Variants in TTC38 observed in about 807,000 individuals in gnomAD.
TTC38 encodes the protein tetratricopeptide repeat protein 38.
In TTC38, 64 loss-of-function variants were observed where a neutral mutation model predicts 64.2. That is an observed-to-expected ratio of 1.00 (90% CI 0.81 to 1.23). The LOEUF (loss-of-function observed/expected upper bound fraction) is 1.23. TTC38 is among the 50% of genes most tolerant of loss of function. TTC38 has a pLI of 0.00. For synonymous variants in TTC38, 254 were observed against 249.3 expected (o/e 1.02, Z -0.18); for missense variants, 573 against 615.5 (o/e 0.93, Z 0.73).
chr22:46,290,004 C>T, intron 13 of TTC38, 105 bp downstream of exon 13: 10 of 1,016,626 alleles, frequency 9.8e-6, no homozygotes, highest in Non-Finnish European at 1.4e-5. Context: ...GATGCTCCTG[C>T]TTCTGAGGCT....
intron 8 of TTC38, among the ~76,000 whole-genome samples, chr22:46,284,868 CAAAAA>C (rs130641): frequency 2.7e-5 from 2 of 75,324 alleles, no homozygotes; most frequent in Admixed American, 1.8e-4. Context: ...GACCCCATCT[CAAAAA>C]AAAAAAAAAA....
intron 5 of TTC38, among the ~76,000 whole-genome samples, 173 bp from the exon 6 acceptor site, chr22:46,278,413 C>A (rs938484510): frequency 6.6e-6 from 1 of 152,226 alleles, no homozygotes; most frequent in African/African-American, 2.4e-5. Flanking sequence ...AGGGCCCACC[C>A]TAATCCCGTA....
intron 6 of TTC38, among the ~76,000 whole-genome samples, chr22:46,280,773 T>A (rs1468261062): frequency 6.6e-6 from 1 of 152,160 alleles, no homozygotes; most frequent in Non-Finnish European, 1.5e-5. Flanking sequence ...TGGACCCCTA[T>A]GAAAGGCGTG....
chr22:46,285,332 C>T, intron 9 of TTC38, 53 bp downstream of exon 9: 1 of 1,543,536 alleles, frequency 6.5e-7, no homozygotes, highest in African/African-American at 1.4e-5. Context: ...GCCTTTGAGT[C>T]TCAAAGAGAC....
At chr22:46,286,014 CAAAA>C (rs573736869) in intron 9 of TTC38, among the ~76,000 whole-genome samples, 2 of 73,978 alleles carry the variant, frequency 2.7e-5, no homozygotes. Context: ...GACTCTGTCT[CAAAA>C]AAAAAAAAAA....
rs190692235 is a variant in TTC38, at chr22:46,289,814, T to C, written c.1243-12T>C. Reference sequence around the variant, plus strand: ...AGGTACAGGAGACTCACATGCCCGATTGACATTTCAGAGAGACGTCTTCAA... The same window carrying C: ...AGGTACAGGAGACTCACATGCCCGACTGACATTTCAGAGAGACGTCTTCAA... On this transcript the variant is annotated splice_polypyrimidine_tract_variant and intron_variant, in intron 12 of 13. Transcript: ENST00000381031. The C allele has an allele frequency of 3.7e-6, 6 of 1,613,934 alleles. No individual in the cohort carries two copies. Among genetic ancestry groups the C allele is most frequent in the African/African-American group, 1.3e-5 (1 of 74,910 alleles).
At chr22:46,269,023 C>T (rs535363920) in intron 2 of TTC38, 7 of 358,720 alleles carry the variant, frequency 2.0e-5, no homozygotes, top group Non-Finnish European at 4.0e-5. Context: ...ATGACCTTAG[C>T]AATAGATGGC....
chr22:46,278,389 C>T (rs2077508702), intron 5 of TTC38, among the ~76,000 whole-genome samples, 197 bp from the exon 6 acceptor site: 1 of 152,206 alleles, frequency 6.6e-6, no homozygotes, highest in African/African-American at 2.4e-5. Flanking sequence ...TGTAAGGACA[C>T]CAGTCATTGC....
At chr22:46,269,827 C>G (rs1177317579) in intron 2 of TTC38, among the ~76,000 whole-genome samples, 1 of 152,198 alleles carries the variant, frequency 6.6e-6, no homozygotes, top group Non-Finnish European at 1.5e-5. Context: ...GAGTCTTGCC[C>G]TGTCACCCAG....
At position 46,281,712 on chromosome 22, in the gene TTC38, C is replaced by T. The variant is rs754145997; in HGVS notation, c.729C>T (p.Phe243=). Residue 243 remains phenylalanine, a synonymous_variant, in exon 7 of 14, where the codon TTC becomes TTT. Transcript: ENST00000381031. The surrounding 1 kb of genome is among the most constrained non-coding windows in gnomAD (Gnocchi z 5.2). ...GLEFMQHSET[F]WKDSDMLACH... is the part of the protein sequence containing the mutation. The stretch of plus-strand genomic sequence containing the variant: ...AATTCATGCAGCACTCAGAGACCTT[C>T]TGGAAGGTATGATGCTTGTCAATGG... 10 of 1,613,856 alleles carry T rather than the reference C, an allele frequency of 6.2e-6. No individual in the cohort carries two copies. In the South Asian group the frequency reaches 9.9e-5, roughly 16 times the overall value.
At chr22:46,285,445 T>C (rs1305244839) in intron 9 of TTC38, among the ~76,000 whole-genome samples, 166 bp downstream of exon 9, 3 of 152,106 alleles carry the variant, frequency 2.0e-5, no homozygotes, top group African/African-American at 7.2e-5. Flanking sequence ...CCAAGAGCAA[T>C]GTTGTAACCC....
chr22:46,276,837 AT>A lies in TTC38; in HGVS notation c.539+1417del, dbSNP rs2077493325. Among the ~76,000 whole-genome samples, 1 of 142,144 alleles carries A rather than the reference AT, an allele frequency of 7.0e-6. No individual in the cohort carries two copies. Among genetic ancestry groups the A allele is most frequent in the African/African-American group, 2.7e-5 (1 of 36,942 alleles). The allele number at this position is 142,144 out of a possible 152,430, so 93.3% of individuals were successfully genotyped here. ...ATATATATATTAAATATATATATAT[AT>A]ATAAACATATATATATATAAAAAAT... On this transcript the variant is annotated intron_variant, in intron 5 of 13. Transcript: ENST00000381031. This position sits in a 1 kb window ranked among gnomAD's most constrained non-coding sequence, Gnocchi z 4.7.
At position 46,272,223 on chromosome 22, in the gene TTC38, T is replaced by C; in HGVS notation, c.112-112T>C. 1.3e-6 allele frequency: 1 copy of C among 764,962 alleles called. No homozygotes were observed. The highest frequency in any genetic ancestry group is 2.2e-6 in the Non-Finnish European group (1 of 447,290). The allele number at this position is 764,962 out of a possible 1,614,324, so 47.4% of individuals were successfully genotyped here. A position where few individuals can be genotyped will look rare whatever the true frequency, so the allele number is the denominator to read the frequency against. ...TCAGGCTGGTCTCGAACTCCTGACC[T>C]CAGATGTTCTGCCCGCCTCGGCCTC... On this transcript the variant is annotated intron_variant, in intron 2 of 13. Transcript: ENST00000381031. The surrounding 1 kb of genome is among the most constrained non-coding windows in gnomAD (Gnocchi z 6.4).
Position 46,273,860 on chromosome 22 carries a change from C to T in TTC38, c.194-38C>T. ...CTGGGCTGGGATGGGCTGAGCTGGACCATCTGAACCACCAGCCGTTCTCTA... is the reference window on the plus strand; with the variant it reads ...CTGGGCTGGGATGGGCTGAGCTGGATCATCTGAACCACCAGCCGTTCTCTA... On this transcript the variant is annotated intron_variant, in intron 3 of 13. Transcript: ENST00000381031. The surrounding 1 kb of genome is among the most constrained non-coding windows in gnomAD (Gnocchi z 5.1). The T allele has an allele frequency of 1.2e-6, 2 of 1,609,428 alleles. No homozygotes were observed. The highest frequency in any genetic ancestry group is 1.3e-5 in the African/African-American group (1 of 74,926).
At chr22:46,268,766 G>C (rs1264382257) in intron 2 of TTC38, 175 bp downstream of exon 2, 1 of 604,128 alleles carries the variant, frequency 1.7e-6, no homozygotes, top group Non-Finnish European at 2.9e-6. Context: ...CTCACTGCAA[G>C]CTTTGCCTCC....
chr22:46,287,235 G>A, intron 10 of TTC38, 81 bp downstream of exon 10: 1 of 1,335,310 alleles, frequency 7.5e-7, no homozygotes, highest in Non-Finnish European at 1.0e-6. Context: ...TAGGCCCAGG[G>A]TTGGGCAAGA....
chr22:46,289,478 G>A lies in TTC38; in HGVS notation c.1159G>A (p.Glu387Lys), dbSNP rs56340734. 25,648 of 1,609,382 alleles carry A rather than the reference G, an allele frequency of 0.016. 251 individuals are homozygous for A. Among genetic ancestry groups the A allele is most frequent in the Non-Finnish European group, 0.02 (23,362 of 1,179,716 alleles). ...CCTGTGCCAGGCCCTGGTGGAGGCT[G>A]AGGACGGGAACCCTGACCGCGTCCT... ...LPLCQALVEA[E>K]DGNPDRVLEL... is the part of the protein sequence containing the mutation. The change falls in exon 12 of 14, where the codon GAG (glutamate) becomes AAG (lysine). Residue 387 changes from glutamate to lysine, a missense_variant. Physicochemically the swap from Glu to Lys is moderately conservative, Grantham distance 56. Coordinates refer to ENST00000381031, the MANE Select transcript of TTC38 (RefSeq NM_017931.4).
At chr22:46,283,950 T>C in intron 7 of TTC38, 23 bp from the exon 8 acceptor site, 1 of 1,563,974 alleles carries the variant, frequency 6.4e-7, no homozygotes, top group Non-Finnish European at 8.6e-7. Context: ...TTTCATAAAT[T>C]CTCTTTTTTT....
In TTC38 at chr22:46,271,800, C is replaced by T. The variant is rs936967195; in HGVS notation, c.112-535C>T. On this transcript the variant is annotated intron_variant, in intron 2 of 13. Coordinates refer to ENST00000381031, the MANE Select transcript of TTC38 (RefSeq NM_017931.4). The surrounding 1 kb of genome is among the most constrained non-coding windows in gnomAD (Gnocchi z 5.5). ...TACTGGGATTACAGGCGTGAGCCAT[C>T]GCGCCCAGCCAGAACCTGCCTTTTG... Among the ~76,000 whole-genome samples the T allele has an allele frequency of 6.6e-6, 1 of 152,106 alleles. No individual in the cohort carries two copies. The highest frequency in any genetic ancestry group is 6.5e-5 in the Admixed American group (1 of 15,278).
Sources: gnomAD v4.1 joint callset for allele counts (sites outside exome capture counted in the v4.1 genomes callset) on GRCh38, gnomAD v4.1.1 for gene constraint, Gnocchi (gnomAD v3.1) non-coding constraint, MANE v1.5 for transcripts, NCBI Gene and HGNC (gene_info 2026-07-23, HGNC 2026-07-21) for gene names.